The following IL19 variants were observed in gnomAD, a reference collection of about 807,000 sequenced individuals.
IL19 encodes interleukin 19, also known as interleukin-19.
A neutral mutation model predicts 19.5 loss-of-function variants in IL19; 15 were observed. That is an observed-to-expected ratio of 0.77 (90% CI 0.52 to 1.19). IL19 has a LOEUF of 1.19. IL19 is among the 50% of genes most tolerant of loss of function. The pLI is 0.00. For missense variants in IL19, 199 were observed against 213.1 expected, an observed-to-expected ratio of 0.93 and a Z score of 0.41; for synonymous variants, 78 against 78.3, an observed-to-expected ratio of 1.00 and a Z score of 0.02.
At chr1:206,835,623 C>G (rs1303901456) in intron 2 of IL19, among the ~76,000 whole-genome samples, 2 of 152,166 alleles carry the variant, frequency 1.3e-5, no homozygotes, top group African/African-American at 4.8e-5. Context: ...CTCCTCTCCT[C>G]CACGGCCACA....
chr1:206,826,238 T>C (rs145892251), intron 2 of IL19, among the ~76,000 whole-genome samples: 33 of 152,352 alleles, frequency 2.2e-4, no homozygotes, highest in African/African-American at 7.2e-4. Flanking sequence ...CTGCAAATCC[T>C]AGCTAACTTC....
At chr1:206,833,997 G>A (rs1439781878) in intron 2 of IL19, 1 of 985,410 alleles carries the variant, frequency 1.0e-6, no homozygotes, top group Admixed American at 6.1e-5. Flanking sequence ...GATTGAGAGT[G>A]CTTTTGTGAG....
intron 1 of IL19, among the ~76,000 whole-genome samples, chr1:206,778,022 T>A (rs1675050516): frequency 6.6e-6 from 1 of 152,212 alleles, no homozygotes; most frequent in Non-Finnish European, 1.5e-5. Flanking sequence ...GACATTGGCT[T>A]TGATAGTGTC....
intron 1 of IL19, among the ~76,000 whole-genome samples, chr1:206,773,812 G>T (rs1014876249): frequency 6.6e-6 from 1 of 152,170 alleles, no homozygotes; most frequent in African/African-American, 2.4e-5. Context: ...GACTGTAACT[G>T]GGAGGAACAC....
intron 1 of IL19, among the ~76,000 whole-genome samples, chr1:206,788,342 G>A (rs1291734472): frequency 6.6e-6 from 1 of 152,086 alleles, no homozygotes; most frequent in African/African-American, 2.4e-5. Context: ...GCTCTTTGAT[G>A]TCTTACTATA....
At chr1:206,834,472 A>C in intron 2 of IL19, 7 of 983,988 alleles carry the variant, frequency 7.1e-6, no homozygotes, top group Non-Finnish European at 8.4e-6. Flanking sequence ...TCACTGCCGC[A>C]GGGAGGTGAC....
In IL19 at chr1:206,798,867, G is replaced by T; in HGVS notation, c.-142G>T. ...TCTATGATTTTCTCCATAGAGCGGT[G>T]CTTGCACACACTGACAGGAGTCCAA... is the stretch of plus-strand genomic sequence containing the variant. On this transcript the variant is annotated 5_prime_UTR_variant, in exon 2 of 7. Transcript: ENST00000659997. 3 of 1,503,988 alleles carry T rather than the reference G, an allele frequency of 2.0e-6. No homozygotes were observed. The highest frequency in any genetic ancestry group is 2.8e-6 in the Non-Finnish European group (3 of 1,083,062). 93.2% of individuals were successfully genotyped at this position (1,503,988 alleles called of 1,614,324 possible).
intron 2 of IL19, among the ~76,000 whole-genome samples, chr1:206,829,880 AAGG>A (rs1676543266): frequency 6.6e-6 from 1 of 152,134 alleles, no homozygotes; most frequent in Admixed American, 6.5e-5. Context: ...GTGGGCAAAA[AAGG>A]AGGAGGAGAA....
At chr1:206,813,555 G>T (rs1443931076) in intron 2 of IL19, among the ~76,000 whole-genome samples, 1 of 152,152 alleles carries the variant, frequency 6.6e-6, no homozygotes, top group African/African-American at 2.4e-5. Context: ...GCCAAGCAAT[G>T]CCTCTTACAG....
chr1:206,814,311 AG>A (rs1480440958), intron 2 of IL19, among the ~76,000 whole-genome samples: 1 of 151,874 alleles, frequency 6.6e-6, no homozygotes, highest in Non-Finnish European at 1.5e-5. Flanking sequence ...GCCAAACCCA[AG>A]TATGTAGCTT....
chr1:206,774,169 G>A (rs921499934), intron 1 of IL19, among the ~76,000 whole-genome samples: 1 of 152,214 alleles, frequency 6.6e-6, no homozygotes, highest in South Asian at 2.1e-4. Flanking sequence ...GAGGGCCCAC[G>A]CCCACCCTGT....
chr1:206,786,558 T>C (rs1675274487), intron 1 of IL19, among the ~76,000 whole-genome samples: 1 of 152,058 alleles, frequency 6.6e-6, no homozygotes, highest in African/African-American at 2.4e-5. Context: ...TCATTTCAGG[T>C]AAAATCAGAG....
Position 206,799,160 on chromosome 1 carries a change from A to G in IL19, c.-3+154A>G, listed in dbSNP as rs539196946. Among the ~76,000 whole-genome samples, 3 of 152,128 alleles carry G rather than the reference A, an allele frequency of 2.0e-5. No homozygotes were observed. In the South Asian group the frequency reaches 6.2e-4, roughly 32 times the overall value. On this transcript the variant is annotated intron_variant, in intron 2 of 6. Transcript: ENST00000659997. ...CTGTCATAAAGTTCCTTATTGCCAGACTGCTGGCCAGGTTTAGGGGAGAAG... is the reference window on the plus strand; with the variant it reads ...CTGTCATAAAGTTCCTTATTGCCAGGCTGCTGGCCAGGTTTAGGGGAGAAG...
At chr1:206,800,532 A>G (rs1043025890) in intron 2 of IL19, among the ~76,000 whole-genome samples, 10 of 152,194 alleles carry the variant, frequency 6.6e-5, no homozygotes. Context: ...AAGAACAGTG[A>G]CACATGACTG....
chr1:206,776,765 C>T (rs959923588), intron 1 of IL19, among the ~76,000 whole-genome samples: 3 of 151,922 alleles, frequency 2.0e-5, no homozygotes, highest in African/African-American at 2.4e-5. Flanking sequence ...AAGAAATAGC[C>T]AATCATCTAT....
intron 2 of IL19, among the ~76,000 whole-genome samples, chr1:206,826,305 C>G (rs1474349896): frequency 1.3e-5 from 2 of 152,112 alleles, no homozygotes; most frequent in African/African-American, 4.8e-5. Context: ...TGGCTTTGTC[C>G]CCAGGACATG....
chr1:206,814,690 T>TCTCACACACACACA (rs150151755), intron 2 of IL19, among the ~76,000 whole-genome samples: 181 of 140,566 alleles, frequency 1.3e-3, no homozygotes, highest in African/African-American at 4.6e-3. Flanking sequence ...TGAAACTCTG[T>TCTCACACACACACA]CACACACACA....
intron 2 of IL19, among the ~76,000 whole-genome samples, chr1:206,806,195 C>T (rs1016005852): frequency 3.3e-5 from 5 of 152,210 alleles, no homozygotes; most frequent in Non-Finnish European, 7.3e-5. Context: ...CGGCAGCACA[C>T]ACCCACTCCT....
intron 5 of IL19, chr1:206,840,519 CTT>C (rs1676972375): frequency 4.6e-6 from 1 of 219,674 alleles, no homozygotes; most frequent in African/African-American, 2.3e-5. Flanking sequence ...TCCTGTGAGA[CTT>C]TGTGGCAAGT....
Sources: gnomAD v4.1 joint callset for allele counts (sites outside exome capture counted in the v4.1 genomes callset) on GRCh38, gnomAD v4.1.1 for gene constraint, MANE v1.5 for transcripts, NCBI Gene and HGNC (gene_info 2026-07-23, HGNC 2026-07-21) for gene names.